Variants in EHD3 observed in about 807,000 individuals in gnomAD.
EHD3 encodes EH domain-containing protein 3.
Under a neutral mutation model 43.0 loss-of-function variants are expected in EHD3, and 17 were observed. The ratio of observed to expected loss-of-function variants is 0.40; its 90% CI spans 0.27 to 0.59. The LOEUF (loss-of-function observed/expected upper bound fraction) is 0.59. Ranked by LOEUF, EHD3 falls within the 20% of genes least tolerant of loss-of-function variation. The pLI is 0.49. For missense variants in EHD3, 594 were observed against 705.6 expected (o/e 0.84, Z 1.79); for synonymous variants, 313 against 289.5 (o/e 1.08, Z -0.82).
chr2:31,236,594 G>C (rs907116595), intron 1 of EHD3, among the ~76,000 whole-genome samples: 8 of 152,292 alleles, frequency 5.3e-5, no homozygotes, highest in African/African-American at 1.9e-4. Flanking sequence ...TGCCTCAGGG[G>C]AAGTTCAGGC....
chr2:31,250,892 C>G (rs928515869), intron 3 of EHD3, among the ~76,000 whole-genome samples: 1 of 152,202 alleles, frequency 6.6e-6, no homozygotes, highest in African/African-American at 2.4e-5. Context: ...AGGTGACTGT[C>G]TGCATGTGCC....
chr2:31,248,067 T>C (rs1683560166), intron 2 of EHD3, among the ~76,000 whole-genome samples: 1 of 152,176 alleles, frequency 6.6e-6, no homozygotes. Flanking sequence ...GTTGCATCCC[T>C]CTTGCATGTG....
intron 3 of EHD3, 67 bp downstream of exon 3, chr2:31,249,535 T>G (rs193058325): frequency 5.6e-6 from 8 of 1,438,134 alleles, no homozygotes; most frequent in Non-Finnish European, 7.8e-6. Flanking sequence ...GTCTCTTACA[T>G]ACCAGAAGAG....
intron 5 of EHD3, among the ~76,000 whole-genome samples, chr2:31,264,700 T>C (rs1054425354): frequency 3.3e-5 from 5 of 151,718 alleles, no homozygotes; most frequent in Admixed American, 3.3e-4. Context: ...CAGCTAAATT[T>C]TTTTTGTAAT....
chr2:31,251,661 C>T (rs978575575), intron 3 of EHD3, among the ~76,000 whole-genome samples: 3 of 152,070 alleles, frequency 2.0e-5, no homozygotes, highest in African/African-American at 7.2e-5. Context: ...CTCCTGGCTC[C>T]CTATCTCTGG....
intron 3 of EHD3, among the ~76,000 whole-genome samples, chr2:31,257,546 C>T (rs757357802): frequency 6.6e-6 from 1 of 152,174 alleles, no homozygotes; most frequent in African/African-American, 2.4e-5. Context: ...TTGACTCTCT[C>T]CTCTCTGAAC....
At chr2:31,237,848 CA>C (rs559867836) in intron 1 of EHD3, among the ~76,000 whole-genome samples, 19 of 152,312 alleles carry the variant, frequency 1.2e-4, no homozygotes, top group African/African-American at 4.3e-4. Flanking sequence ...TTAACAGCTG[CA>C]TACTATTCCA....
intron 2 of EHD3, among the ~76,000 whole-genome samples, chr2:31,244,817 C>T (rs903092267): frequency 4.6e-5 from 7 of 152,104 alleles, no homozygotes; most frequent in South Asian, 2.1e-4. Flanking sequence ...AGGAGGCAGA[C>T]GAAGGTTCTT....
chr2:31,257,848 C>A (rs1300298909), intron 3 of EHD3, among the ~76,000 whole-genome samples: 2 of 152,136 alleles, frequency 1.3e-5, no homozygotes, highest in Non-Finnish European at 2.9e-5. Flanking sequence ...GACAGGACAC[C>A]TGTGTTCAAA....
intron 1 of EHD3, among the ~76,000 whole-genome samples, chr2:31,238,201 C>T (rs1654085935): frequency 6.6e-6 from 1 of 152,166 alleles, no homozygotes; most frequent in Non-Finnish European, 1.5e-5. Context: ...TGGATAAGTG[C>T]GTCCATGCCT....
intron 3 of EHD3, among the ~76,000 whole-genome samples, chr2:31,256,790 C>CT (rs1237750418): frequency 1.3e-5 from 2 of 152,226 alleles, no homozygotes; most frequent in Non-Finnish European, 2.9e-5. Context: ...TCTCTGGTGT[C>CT]TTTGTTTTCC....
At chr2:31,238,066 G>A (rs711229) in intron 1 of EHD3, among the ~76,000 whole-genome samples, 98,494 of 151,956 alleles carry the variant, frequency 0.65, 33,071 homozygotes, top group East Asian at 0.89. Context: ...GGTTGGGCAG[G>A]GTTTTGTTTA....
intron 1 of EHD3, among the ~76,000 whole-genome samples, chr2:31,239,690 A>T (rs1041547555): frequency 1.3e-5 from 2 of 152,202 alleles, no homozygotes; most frequent in African/African-American, 4.8e-5. Flanking sequence ...TCTGACCCGC[A>T]GTTTCCTTAT....
chr2:31,260,441 C>T lies in EHD3; in HGVS notation c.503-69C>T, dbSNP rs1683829231. The T allele has an allele frequency of 2.5e-5, 36 of 1,464,130 alleles. 1 individual carries two copies. The highest frequency in any genetic ancestry group is 2.3e-4 in the South Asian group (17 of 73,032). 90.7% of individuals were successfully genotyped at this position (1,464,130 alleles called of 1,614,324 possible). On this transcript the variant is annotated intron_variant, in intron 3 of 5. Transcript: ENST00000322054. This position sits in a 1 kb window ranked among gnomAD's most constrained non-coding sequence, Gnocchi z 4.6. ...AAGACTGTGTTATTTCTACCACACC[C>T]GACTGCTTCTCCAAACCCCTACCCT...
chr2:31,234,283 C>T lies in EHD3; in HGVS notation c.-339C>T, dbSNP rs1683280033. ...GGCAGAGCAGGCGAGGGCTGGGGGC[C>T]GATCGGGGACCCCGGCTTGGGACCC... On this transcript the variant is annotated 5_prime_UTR_variant, in exon 1 of 6. Coordinates refer to ENST00000322054, the MANE Select transcript of EHD3 (RefSeq NM_014600.3). 8.6e-6 allele frequency: 3 copies of T among 350,266 alleles called. No homozygotes were observed. Among genetic ancestry groups the T allele is most frequent in the South Asian group, 7.0e-5 (3 of 42,562 alleles). The allele number at this position is 350,266 out of a possible 1,614,324, so 21.7% of individuals were successfully genotyped here. A position where few individuals can be genotyped will look rare whatever the true frequency, so the allele number is the denominator to read the frequency against.
At chr2:31,258,868 T>G (rs1486653125) in intron 3 of EHD3, among the ~76,000 whole-genome samples, 1 of 151,802 alleles carries the variant, frequency 6.6e-6, no homozygotes, top group African/African-American at 2.4e-5. Flanking sequence ...ATCAGAAACT[T>G]TGGGGATAGA....
chr2:31,261,159 G>C (rs1249481595), intron 4 of EHD3, among the ~76,000 whole-genome samples: 1 of 152,224 alleles, frequency 6.6e-6, no homozygotes, highest in Non-Finnish European at 1.5e-5. Context: ...TAGTCTCTCT[G>C]TGCCTCTGTT....
In EHD3 at chr2:31,267,764, C is replaced by G. The variant is rs1683984018; in HGVS notation, c.*1060C>G. 6.6e-6 allele frequency: 1 copy of G among 152,232 alleles called. No homozygotes were observed. Among genetic ancestry groups the G allele is most frequent in the Non-Finnish European group, 1.5e-5 (1 of 68,040 alleles). 9.4% of individuals were successfully genotyped at this position (152,232 alleles called of 1,614,324 possible). On this transcript the variant is annotated 3_prime_UTR_variant, in exon 6 of 6. Transcript: ENST00000322054. ...CCCAGCATTGATACCCAATGACAAA[C>G]TATGGAGAACAAGCAAAGTATGCAG...
chr2:31,245,528 A>AATATATATATATAT (rs775189280), intron 2 of EHD3, among the ~76,000 whole-genome samples: 10 of 75,040 alleles, frequency 1.3e-4, no homozygotes, highest in African/African-American at 5.3e-4. Flanking sequence ...TCTTATCCCA[A>AATATATATATATAT]ATATATATAT....
Sources: allele counts gnomAD v4.1 joint callset (sites outside exome capture counted in the v4.1 genomes callset), GRCh38; gene constraint gnomAD v4.1.1; non-coding constraint Gnocchi (gnomAD v3.1); transcripts MANE v1.5; gene names NCBI Gene and HGNC (gene_info 2026-07-23, HGNC 2026-07-21).